Variants in SORBS3 observed in about 807,000 individuals in gnomAD.
SORBS3 encodes the protein vinexin.
A neutral mutation model predicts 98.0 loss-of-function variants in SORBS3; 69 were observed. That is an observed-to-expected ratio of 0.70 (90% CI 0.58 to 0.86). The LOEUF (loss-of-function observed/expected upper bound fraction) is 0.86. Ranked by LOEUF, SORBS3 falls within the 40% of genes least tolerant of loss-of-function variation. SORBS3 has a pLI of 0.00. For missense variants in SORBS3, 954 were observed against 908.5 expected (o/e 1.05, Z -0.64); for synonymous variants, 394 against 355.4 (o/e 1.11, Z -1.22).
intron 5 of SORBS3, chr8:22,560,872 TGCGC>T (rs1289668038): frequency 4.7e-5 from 4 of 84,350 alleles, no homozygotes; most frequent in Non-Finnish European, 7.6e-5. Context: ...TGTGTGTGTG[TGCGC>T]GCGCGCACGC....
intron 4 of SORBS3, 27 bp from the exon 5 acceptor site, chr8:22,558,102 G>A: frequency 6.2e-7 from 1 of 1,612,384 alleles, no homozygotes. Flanking sequence ...AAGCAGGGAG[G>A]ACTGACTTTG....
rs373345524 is a variant in SORBS3, at chr8:22,564,320, C to G, written c.713C>G (p.Thr238Arg). The change falls in exon 9 of 21, where the codon ACG (threonine) becomes AGG (arginine). Residue 238 changes from threonine (T) to arginine (R), a missense_variant. Physicochemically the swap from Thr to Arg is moderately conservative, Grantham distance 71. Transcript: ENST00000240123. ...CGGGAAAAAGTAGACAATGTCTGGA[C>G]GGAAGAGTCCTGGAACCAGTTTCTG... ...RRREKVDNVW[T>R]EESWNQFLQE... 12 of 1,612,976 alleles carry G rather than the reference C, an allele frequency of 7.4e-6. No homozygotes were observed. The highest frequency in any genetic ancestry group is 9.3e-6 in the Non-Finnish European group (11 of 1,179,494).
chr8:22,550,094 A>G, upstream of SORBS3: 1 of 855,816 alleles, frequency 1.2e-6, no homozygotes, highest in Non-Finnish European at 1.4e-6. Flanking sequence ...ATGGGCACCT[A>G]TTTTATCCCT....
At chr8:22,549,313 G>GGCCA (rs973103931), upstream of SORBS3, among the ~76,000 whole-genome samples, 1 of 152,142 alleles carries the variant, frequency 6.6e-6, no homozygotes, top group African/African-American at 2.4e-5. Context: ...ACAGCCAGCC[G>GGCCA]GCCAGCCGCC....
At position 22,564,311 on chromosome 8, in the gene SORBS3, A is replaced by T. The variant is rs753263347; in HGVS notation, c.704A>T (p.Asn235Ile). 6.2e-7 allele frequency: 1 copy of T among 1,611,918 alleles called. No individual in the cohort carries two copies. The highest frequency in any genetic ancestry group is 1.3e-5 in the African/African-American group (1 of 74,872). Residue 235 changes from asparagine (N) to isoleucine (I), a missense_variant, in exon 9 of 21, where the codon AAT (asparagine) becomes ATT (isoleucine). By Grantham distance (149) the Asn-to-Ile change is moderately radical. Coordinates refer to ENST00000240123, the MANE Select transcript of SORBS3 (RefSeq NM_005775.5). ...QVLRRREKVD[N>I]VWTEESWNQF... is the part of the protein sequence containing the mutation. Reference sequence around the variant, plus strand: ...CTCAGACGCCGGGAAAAAGTAGACAATGTCTGGACGGAAGAGTCCTGGAAC... The same window carrying T: ...CTCAGACGCCGGGAAAAAGTAGACATTGTCTGGACGGAAGAGTCCTGGAAC...
chr8:22,551,043 GAGC>G (rs1251630901), upstream of SORBS3, among the ~76,000 whole-genome samples: 1 of 152,236 alleles, frequency 6.6e-6, no homozygotes, highest in African/African-American at 2.4e-5. This position sits in a 1 kb window ranked among gnomAD's most constrained non-coding sequence, Gnocchi z 5.8. Flanking sequence ...ACCCAGCTCA[GAGC>G]AGCGAGAACA....
rs369309922 is a variant in SORBS3 at position 22,571,018 on chromosome 8, C to T, written c.1540C>T (p.Arg514Cys). ...CCCTGCCAGCTACGTGCAGGTGTCT[C>T]GTGAACCCCGGCTCCGGCTCTGTGA... ...IFPASYVQVSREPRLRLCDDG... is the reference protein window; with the variant it reads ...IFPASYVQVSCEPRLRLCDDG... The change falls in exon 18 of 21, where the codon CGT becomes TGT. Residue 514 changes from arginine (R) to cysteine (C), a missense_variant. Coordinates refer to ENST00000240123, the MANE Select transcript of SORBS3 (RefSeq NM_005775.5). 24 of 1,613,588 alleles carry T rather than the reference C, an allele frequency of 1.5e-5. No individual in the cohort carries two copies. The highest frequency in any genetic ancestry group is 4.0e-5 in the African/African-American group (3 of 74,880).
intron 3 of SORBS3, 134 bp from the exon 4 acceptor site, chr8:22,556,581 C>A: frequency 1.4e-6 from 1 of 730,772 alleles, no homozygotes; most frequent in Non-Finnish European, 2.4e-6. Context: ...TGCTCTGAGT[C>A]ATCCACTCAA....
chr8:22,547,268 G>C (rs1840025469), upstream of SORBS3, among the ~76,000 whole-genome samples: 1 of 151,290 alleles, frequency 6.6e-6, no homozygotes, highest in Admixed American at 6.6e-5. Flanking sequence ...TTAACCTGTT[G>C]CTCCATCTAG....
At chr8:22,564,818 C>T in intron 10 of SORBS3, 1 of 1,250,098 alleles carries the variant, frequency 8.0e-7, no homozygotes. Context: ...TGAGAAGCTC[C>T]GAGGGCCTGA....
At chr8:22,564,851 G>C in intron 10 of SORBS3, 1 of 1,290,730 alleles carries the variant, frequency 7.7e-7, no homozygotes, top group Non-Finnish European at 9.9e-7. Flanking sequence ...CCATAGCAGA[G>C]GCTGGCAGGA....
At chr8:22,566,516 G>A (rs1840426304) in intron 13 of SORBS3, 32 bp downstream of exon 13, 1 of 1,606,780 alleles carries the variant, frequency 6.2e-7, no homozygotes, top group Non-Finnish European at 8.5e-7. Context: ...CTTTCTCACG[G>A]AGATGCCCAC....
At chr8:22,546,931 A>G (rs1015512818), upstream of SORBS3, among the ~76,000 whole-genome samples, 2 of 152,056 alleles carry the variant, frequency 1.3e-5, no homozygotes, top group Non-Finnish European at 2.9e-5. Flanking sequence ...AAAGTGTGTC[A>G]GTGAGGGGAC....
chr8:22,549,370 A>C (rs374274385), upstream of SORBS3, among the ~76,000 whole-genome samples: 22 of 152,316 alleles, frequency 1.4e-4, no homozygotes, highest in South Asian at 4.6e-3. Flanking sequence ...TAACCGTGCC[A>C]GCTGTGGAGG....
At position 22,566,811 on chromosome 8, in the gene SORBS3, C is replaced by G. The variant is rs780121760; in HGVS notation, c.1144-11C>G. The stretch of plus-strand genomic sequence containing the variant: ...ACTGAGAGAGCCCACTCTGTCCTCT[C>G]CCCTGCCTAGAGAAAGGCCGCCAGG... On this transcript the variant is annotated splice_polypyrimidine_tract_variant and intron_variant, in intron 14 of 20. Coordinates refer to ENST00000240123, the MANE Select transcript of SORBS3 (RefSeq NM_005775.5). The G allele has an allele frequency of 1.9e-6, 3 of 1,613,952 alleles. No homozygotes were observed. In the East Asian group the frequency reaches 6.7e-5, roughly 36 times the overall value.
At chr8:22,550,212 GCTCAGCTGTC>G (rs564861583), upstream of SORBS3, among the ~76,000 whole-genome samples, 1 of 152,326 alleles carries the variant, frequency 6.6e-6, no homozygotes, top group East Asian at 1.9e-4. Flanking sequence ...TTCCCCCACT[GCTCAGCTGTC>G]CTCCACAGCA....
At chr8:22,569,028 T>G in intron 16 of SORBS3, 120 bp from the exon 17 acceptor site, 5 of 1,079,066 alleles carry the variant, frequency 4.6e-6, no homozygotes, top group Non-Finnish European at 6.3e-6. Context: ...GTGTCTGGTG[T>G]TTATATCTTT....
At chr8:22,553,559 TCCCTTC>T (rs1269604386) in intron 1 of SORBS3, among the ~76,000 whole-genome samples, 1 of 152,034 alleles carries the variant, frequency 6.6e-6, no homozygotes, top group South Asian at 2.1e-4. Flanking sequence ...TGCCTAGGGC[TCCCTTC>T]CCCTTCCCCA....
intron 6 of SORBS3, 72 bp downstream of exon 6, chr8:22,561,445 C>G (rs1438968672): frequency 2.6e-6 from 4 of 1,561,478 alleles, no homozygotes; most frequent in Non-Finnish European, 3.5e-6. Flanking sequence ...GGCTGGGACT[C>G]GCAGCCCCGC....
Sources: allele counts gnomAD v4.1 joint callset (sites outside exome capture counted in the v4.1 genomes callset), GRCh38; gene constraint gnomAD v4.1.1; non-coding constraint Gnocchi (gnomAD v3.1); transcripts MANE v1.5; gene names NCBI Gene and HGNC (gene_info 2026-07-23, HGNC 2026-07-21).